The following PFKFB4 variants were observed in gnomAD, a reference collection of about 807,000 sequenced individuals.
PFKFB4 encodes the protein 6-phosphofructo-2-kinase/fructose-2,6-bisphosphatase 4.
PFKFB4 carries 42 observed loss-of-function variants against 62.8 expected under a neutral mutation model. The ratio of observed to expected loss-of-function variants is 0.67; its 90% CI spans 0.52 to 0.86. The LOEUF is 0.86. PFKFB4 is among the 40% of genes least tolerant of loss of function. PFKFB4 has a pLI of 0.00. For missense variants in PFKFB4, 475 were observed against 627.2 expected (o/e 0.76, Z 2.59); for synonymous variants, 204 against 240.7 (o/e 0.85, Z 1.41).
intron 12 of PFKFB4, among the ~76,000 whole-genome samples, chr3:48,522,809 G>T (rs374343228): frequency 1.9e-4 from 29 of 151,380 alleles, no homozygotes; most frequent in Middle Eastern, 6.8e-3. Flanking sequence ...CGCCCAGGCT[G>T]GAGTGCAGTG....
intron 12 of PFKFB4, among the ~76,000 whole-genome samples, chr3:48,522,631 A>G (rs1257018906): frequency 2.0e-5 from 3 of 152,212 alleles, no homozygotes. Context: ...AATAAAGTCC[A>G]GGCCCTGAGG....
At chr3:48,530,637 T>C (rs1247294415) in intron 9 of PFKFB4, among the ~76,000 whole-genome samples, 2 of 152,220 alleles carry the variant, frequency 1.3e-5, no homozygotes, top group Non-Finnish European at 2.9e-5. Context: ...GCAGATGCCT[T>C]GATGAAAAAA....
intron 1 of PFKFB4, among the ~76,000 whole-genome samples, chr3:48,554,855 G>C (rs529375827): frequency 6.6e-6 from 1 of 151,938 alleles, no homozygotes; most frequent in Non-Finnish European, 1.5e-5. Flanking sequence ...AATTCAAGAC[G>C]AGCCTGGCCA....
rs1469733000 is a variant in PFKFB4 at position 48,521,072 on chromosome 3, T to C, written c.1350+914A>G. On this transcript the variant is annotated intron_variant, in intron 13 of 13. Transcript: ENST00000232375. The surrounding 1 kb of genome is among the most constrained non-coding windows in gnomAD (Gnocchi z 5.3). The stretch of plus-strand genomic sequence containing the variant: ...GGCCTGCAGGGTAACTGGTCCTGCT[T>C]GGGGGCAGTGGTGTTGGGAAGGGAC... Among the ~76,000 whole-genome samples the C allele has an allele frequency of 1.3e-5, 2 of 152,120 alleles. No homozygotes were observed. Among genetic ancestry groups the C allele is most frequent in the Admixed American group, 6.5e-5 (1 of 15,272 alleles).
chr3:48,543,286 C>T (rs1050136835), intron 4 of PFKFB4, among the ~76,000 whole-genome samples: 1 of 152,218 alleles, frequency 6.6e-6, no homozygotes, highest in Non-Finnish European at 1.5e-5. Context: ...TTACTAAAGA[C>T]TTAGGCAACC....
At chr3:48,539,232 C>T in intron 6 of PFKFB4, 22 bp downstream of exon 6, 1 of 1,594,734 alleles carries the variant, frequency 6.3e-7, no homozygotes, top group Non-Finnish European at 8.6e-7. Context: ...GACCTTCTGA[C>T]AAGGTCAGAT....
chr3:48,535,781 C>T (rs1016499584), intron 8 of PFKFB4, 123 bp from the exon 9 acceptor site: 3 of 1,137,734 alleles, frequency 2.6e-6, no homozygotes, highest in Admixed American at 4.5e-5. Flanking sequence ...TGGTAAAAAG[C>T]ATGAACTAAC....
chr3:48,519,923 A>G, intron 13 of PFKFB4, 117 bp from the exon 14 acceptor site: 7 of 780,630 alleles, frequency 9.0e-6, no homozygotes, highest in South Asian at 1.5e-5. Flanking sequence ...TAGCAGCCAC[A>G]GCCGCAAGAC....
chr3:48,549,815 A>T (rs745899782), intron 3 of PFKFB4, 49 bp downstream of exon 3: 1 of 1,158,328 alleles, frequency 8.6e-7, no homozygotes, highest in Admixed American at 1.7e-5. Context: ...CTTTCTCCAC[A>T]CTGGGTCCCC....
chr3:48,551,180 G>A (rs141620751), intron 1 of PFKFB4, among the ~76,000 whole-genome samples: 1 of 151,782 alleles, frequency 6.6e-6, no homozygotes, highest in Non-Finnish European at 1.5e-5. Context: ...CAGCAGAACT[G>A]CCAGCTTCAT....
chr3:48,557,762 C>G (rs1414006104), upstream of PFKFB4, among the ~76,000 whole-genome samples: 3 of 152,136 alleles, frequency 2.0e-5, no homozygotes, highest in Non-Finnish European at 4.4e-5. Context: ...GTCTCGAACT[C>G]CTGACCTCAG....
At chr3:48,546,197 C>T (rs545803823) in intron 3 of PFKFB4, among the ~76,000 whole-genome samples, 25 of 152,200 alleles carry the variant, frequency 1.6e-4, no homozygotes, top group African/African-American at 3.6e-4. Context: ...CACACACGAG[C>T]GTGCACAACC....
chr3:48,528,740 C>T (rs2042341040), intron 9 of PFKFB4, among the ~76,000 whole-genome samples: 1 of 152,206 alleles, frequency 6.6e-6, no homozygotes, highest in Non-Finnish European at 1.5e-5. Flanking sequence ...GTGGCAACAA[C>T]TCAAATGCCC....
intron 4 of PFKFB4, among the ~76,000 whole-genome samples, chr3:48,540,142 C>A (rs79238802): frequency 0.018 from 2,713 of 152,268 alleles, 71 homozygotes; most frequent in African/African-American, 0.062. Flanking sequence ...GTAAACTGAA[C>A]CTATGTTTAT....
upstream of PFKFB4, chr3:48,557,164 A>G (rs2043349274): frequency 4.5e-6 from 1 of 220,758 alleles, no homozygotes; most frequent in Non-Finnish European, 8.7e-6. Context: ...GGCCCCACCT[A>G]CGGGCTCCGC....
chr3:48,528,367 G>A (rs146000006), intron 9 of PFKFB4, among the ~76,000 whole-genome samples: 49 of 152,190 alleles, frequency 3.2e-4, no homozygotes, highest in African/African-American at 1.2e-3. Flanking sequence ...ATATAAGTCC[G>A]CACAAAAACT....
At chr3:48,535,424 A>T (rs1295288552) in intron 9 of PFKFB4, 88 bp downstream of exon 9, 2 of 1,204,956 alleles carry the variant, frequency 1.7e-6, no homozygotes, top group African/African-American at 3.0e-5. Flanking sequence ...CCTTTGCCCA[A>T]GGGGAGCAAT....
chr3:48,535,619 T>C lies in PFKFB4; in HGVS notation c.880A>G (p.Ile294Val). Residue 294 changes from isoleucine (I) to valine (V), a missense_variant, in exon 9 of 14, where the codon ATC (isoleucine) becomes GTC (valine). Transcript: ENST00000232375. The stretch of plus-strand genomic sequence containing the variant: ...CTTGTCCAGACCTTCAGATCCTTGA[T>C]ATTTTGGTCACTGATGAACTGGGCT... ...SLAQFISDQN[I>V]KDLKVWTSQM... is the part of the protein sequence containing the mutation. 1 of 1,614,118 alleles carries C rather than the reference T, an allele frequency of 6.2e-7. No individual in the cohort carries two copies. Among genetic ancestry groups the C allele is most frequent in the Non-Finnish European group, 8.5e-7 (1 of 1,179,986 alleles).
At chr3:48,561,246 C>T (rs1412813541), upstream of PFKFB4, 1 of 360,288 alleles carries the variant, frequency 2.8e-6, no homozygotes, top group Non-Finnish European at 4.9e-6. This position sits in a 1 kb window ranked among gnomAD's most constrained non-coding sequence, Gnocchi z 5.2. Context: ...CACTGTAGGC[C>T]CGCCCCCACA....
Sources: gnomAD v4.1 joint callset for allele counts (sites outside exome capture counted in the v4.1 genomes callset) on GRCh38, gnomAD v4.1.1 for gene constraint, Gnocchi (gnomAD v3.1) non-coding constraint, MANE v1.5 for transcripts, NCBI Gene and HGNC (gene_info 2026-07-23, HGNC 2026-07-21) for gene names.